SUGCT: variants seen among roughly 807,000 people sequenced by gnomAD.
The protein encoded by SUGCT is succinyl-CoA:glutarate-CoA transferase.
In SUGCT, 41 loss-of-function variants were observed where a neutral mutation model predicts 55.0. That is an observed-to-expected ratio of 0.74 (90% CI 0.58 to 0.97). The LOEUF (loss-of-function observed/expected upper bound fraction) is 0.97, where lower values mean the gene tolerates loss of function less well. Among genes scored for constraint, SUGCT ranks in the 50% least tolerant of loss-of-function variants. The pLI, the probability that SUGCT is intolerant of heterozygous loss-of-function variation, is 0.00. For synonymous variants in SUGCT, 187 were observed against 200.4 expected (o/e 0.93, Z 0.56); for missense variants, 568 against 547.8 (o/e 1.04, Z -0.37).
chr7:40,622,572 C>G (rs1331186720), intron 12 of SUGCT, among the ~76,000 whole-genome samples: 1 of 86,372 alleles, frequency 1.2e-5, no homozygotes, highest in Non-Finnish European at 2.1e-5. Flanking sequence ...AAACTAATTT[C>G]TGGCTAAAAT....
intron 12 of SUGCT, among the ~76,000 whole-genome samples, chr7:40,650,607 C>G (rs1431339360): frequency 6.6e-6 from 1 of 152,192 alleles, no homozygotes; most frequent in African/African-American, 2.4e-5. Context: ...AAATCAGATA[C>G]TCCTCCATTT....
At chr7:40,587,049 A>G (rs1176990951) in intron 12 of SUGCT, among the ~76,000 whole-genome samples, 2 of 152,256 alleles carry the variant, frequency 1.3e-5, no homozygotes, top group Non-Finnish European at 2.9e-5. Flanking sequence ...GAAGAGCTAT[A>G]TACTGTATAT....
intron 12 of SUGCT, among the ~76,000 whole-genome samples, chr7:40,675,306 G>A (rs1453608756): frequency 2.0e-5 from 3 of 152,148 alleles, no homozygotes; most frequent in Non-Finnish European, 2.9e-5. Context: ...TGATCTGCCC[G>A]CCTCGGCCTC....
intron 12 of SUGCT, among the ~76,000 whole-genome samples, chr7:40,575,943 CAAAAAAA>C (rs766046012): frequency 5.7e-5 from 4 of 69,706 alleles, no homozygotes; most frequent in Admixed American, 4.5e-4. Context: ...GACACTGTCT[CAAAAAAA>C]AAAAAAAAAA....
intron 12 of SUGCT, among the ~76,000 whole-genome samples, chr7:40,693,064 G>C (rs1784766840): frequency 6.6e-6 from 1 of 152,180 alleles, no homozygotes; most frequent in Admixed American, 6.5e-5. Flanking sequence ...GTCATCAGGA[G>C]CTACTTCTTA....
At chr7:40,382,180 A>G (rs1175259222) in intron 9 of SUGCT, among the ~76,000 whole-genome samples, 1 of 152,092 alleles carries the variant, frequency 6.6e-6, no homozygotes, top group Non-Finnish European at 1.5e-5. Flanking sequence ...AGCCTCTTTT[A>G]AGAGTTTTTA....
At chr7:40,246,079 A>G (rs540469374) in intron 7 of SUGCT, among the ~76,000 whole-genome samples, 14 of 152,184 alleles carry the variant, frequency 9.2e-5, no homozygotes, top group African/African-American at 3.1e-4. Context: ...TTTTAAATAT[A>G]GACACCTTGG....
chr7:40,398,322 C>A (rs1172872195), intron 9 of SUGCT, among the ~76,000 whole-genome samples: 1 of 152,102 alleles, frequency 6.6e-6, no homozygotes, highest in African/African-American at 2.4e-5. Context: ...GAACTCCTGA[C>A]CTCAAGTGAT....
At chr7:40,141,012 A>G (rs1318898287) in intron 1 of SUGCT, among the ~76,000 whole-genome samples, 4 of 151,910 alleles carry the variant, frequency 2.6e-5, no homozygotes, top group African/African-American at 9.7e-5. Context: ...TTTCATCTAT[A>G]GTTTCTTTCA....
chr7:40,927,070 A>G, the SUGCT span, among the ~76,000 whole-genome samples: 1 of 152,286 alleles, frequency 6.6e-6, no homozygotes, highest in South Asian at 2.1e-4. Flanking sequence ...GTGACTGGAA[A>G]ATAGTGTCTC....
At chr7:40,897,662 G>C in the SUGCT span, among the ~76,000 whole-genome samples, 1 of 152,148 alleles carries the variant, frequency 6.6e-6, no homozygotes, top group Non-Finnish European at 1.5e-5. Flanking sequence ...GTGGGGGATG[G>C]TGGCTCCAAC....
At chr7:40,328,829 G>T (rs1384554333) in intron 9 of SUGCT, among the ~76,000 whole-genome samples, 2 of 152,050 alleles carry the variant, frequency 1.3e-5, no homozygotes, top group Admixed American at 1.3e-4. Flanking sequence ...AATCATTGTT[G>T]TCGTTCCTAG....
At chr7:40,589,772 T>G (rs527260894) in intron 12 of SUGCT, among the ~76,000 whole-genome samples, 33 of 152,338 alleles carry the variant, frequency 2.2e-4, no homozygotes, top group African/African-American at 7.7e-4. Context: ...AGTGAAAACT[T>G]AAACCAAATA....
intron 6 of SUGCT, among the ~76,000 whole-genome samples, chr7:40,198,992 C>CAAA (rs548029146): frequency 7.7e-6 from 1 of 130,178 alleles, no homozygotes. Flanking sequence ...GACTCCACCT[C>CAAA]AAAAAAAAAA....
intron 9 of SUGCT, among the ~76,000 whole-genome samples, chr7:40,321,009 A>G (rs916957266): frequency 1.3e-5 from 2 of 148,426 alleles, no homozygotes; most frequent in Non-Finnish European, 3.0e-5. Context: ...TTTAGCTCCC[A>G]CTTATAAGTG....
chr7:40,916,070 TACACACAC>T, the SUGCT span, among the ~76,000 whole-genome samples: 334 of 144,640 alleles, frequency 2.3e-3, 1 homozygote, highest in South Asian at 5.6e-3. Flanking sequence ...TCTCTCTACA[TACACACAC>T]ACACACACAC....
rs557042700 is a variant in SUGCT at position 40,628,922 on chromosome 7, G to A, written c.1090-120512G>A. On this transcript the variant is annotated intron_variant, in intron 12 of 13. Transcript: ENST00000335693. Reference sequence around the variant, plus strand: ...CACCCAGCTAATTTTTTGTATTTTTGGTAGAGATGGGGTTTCACCATGTTG... The same window carrying A: ...CACCCAGCTAATTTTTTGTATTTTTAGTAGAGATGGGGTTTCACCATGTTG... Among the ~76,000 whole-genome samples, 788 of 152,028 alleles carry A rather than the reference G, an allele frequency of 5.2e-3. 8 individuals are homozygous for A. The highest frequency in any genetic ancestry group is 0.018 in the African/African-American group (757 of 41,474).
At chr7:40,337,311 T>G (rs1796769725) in intron 9 of SUGCT, among the ~76,000 whole-genome samples, 1 of 152,164 alleles carries the variant, frequency 6.6e-6, no homozygotes, top group South Asian at 2.1e-4. Flanking sequence ...CTTGTGAACT[T>G]TCTGTCTCGT....
At chr7:40,618,696 A>C (rs189297709) in intron 12 of SUGCT, among the ~76,000 whole-genome samples, 3 of 152,216 alleles carry the variant, frequency 2.0e-5, no homozygotes, top group African/African-American at 2.4e-5. Flanking sequence ...ATAAGGCACT[A>C]TACATGATTA....
Sources: allele counts gnomAD v4.1 joint callset (sites outside exome capture counted in the v4.1 genomes callset), GRCh38; gene constraint gnomAD v4.1.1; transcripts MANE v1.5; gene names NCBI Gene and HGNC (gene_info 2026-07-23, HGNC 2026-07-21).